The following IGSF21 variants were observed in gnomAD, a reference collection of about 807,000 sequenced individuals.
The protein encoded by IGSF21 is immunoglobin superfamily member 21.
In IGSF21, 28 loss-of-function variants were observed where a neutral mutation model predicts 46.8. The ratio of observed to expected loss-of-function variants is 0.60; its 90% CI spans 0.44 to 0.82. The LOEUF (loss-of-function observed/expected upper bound fraction) is 0.82, where lower values mean the gene tolerates loss of function less well. Ranked by LOEUF, IGSF21 falls within the 40% of genes least tolerant of loss-of-function variation. The pLI is 0.00. For synonymous variants in IGSF21, 284 were observed against 273.6 expected, an observed-to-expected ratio of 1.04 and a Z score of -0.38; for missense variants, 624 against 665.5, an observed-to-expected ratio of 0.94 and a Z score of 0.69.
At chr1:18,346,630 G>C (rs965704464) in intron 4 of IGSF21, among the ~76,000 whole-genome samples, 5 of 152,146 alleles carry the variant, frequency 3.3e-5, no homozygotes, top group African/African-American at 9.7e-5. Context: ...CTCTGAGAAG[G>C]TTCCAATGCA....
intron 2 of IGSF21, among the ~76,000 whole-genome samples, chr1:18,241,626 G>A (rs959417878): frequency 7.9e-5 from 12 of 152,278 alleles, no homozygotes; most frequent in African/African-American, 2.4e-4. Context: ...CTGGACCCTC[G>A]AATGCGCTGA....
intron 1 of IGSF21, among the ~76,000 whole-genome samples, chr1:18,198,598 C>A (rs543224569): frequency 6.6e-6 from 1 of 152,164 alleles, no homozygotes; most frequent in African/African-American, 2.4e-5. Flanking sequence ...GCCTGCCAGG[C>A]GCTTTCTTAA....
Position 18,158,190 on chromosome 1 carries a change from C to T in IGSF21, c.70+49992C>T, listed in dbSNP as rs563842097. On this transcript the variant is annotated intron_variant, in intron 1 of 9. Coordinates refer to ENST00000251296, the MANE Select transcript of IGSF21 (RefSeq NM_032880.5). ...ACACCTGCCCTGTCATTCCATCCCC[C>T]GCCTTAGGACCCCCTGCCATGGCAC... Among the ~76,000 whole-genome samples, 24 of 152,176 alleles carry T rather than the reference C, an allele frequency of 1.6e-4. No homozygotes were observed. The East Asian group carries it at 2.1e-3, about 14-fold the overall frequency.
At chr1:18,366,391 G>C (rs2086164789) in intron 6 of IGSF21, among the ~76,000 whole-genome samples, 1 of 152,124 alleles carries the variant, frequency 6.6e-6, no homozygotes, top group Non-Finnish European at 1.5e-5. Context: ...AGGAGCACAA[G>C]AGATCAGGGG....
chr1:18,324,234 C>A (rs766745960), intron 3 of IGSF21, among the ~76,000 whole-genome samples: 3 of 152,182 alleles, frequency 2.0e-5, no homozygotes, highest in Non-Finnish European at 4.4e-5. Flanking sequence ...CCCTGTTTGG[C>A]TGGGGGAGAA....
At chr1:18,135,389 C>T (rs2086359198) in intron 1 of IGSF21, among the ~76,000 whole-genome samples, 1 of 151,792 alleles carries the variant, frequency 6.6e-6, no homozygotes, top group African/African-American at 2.4e-5. Context: ...TTAGGTATAT[C>T]TCCTAATGCT....
chr1:18,366,295 TTTC>T (rs1557663373), intron 6 of IGSF21, among the ~76,000 whole-genome samples: 1 of 152,038 alleles, frequency 6.6e-6, no homozygotes, highest in Non-Finnish European at 1.5e-5. Flanking sequence ...AAGAGTCGGG[TTTC>T]TTCAGGAAGG....
intron 1 of IGSF21, among the ~76,000 whole-genome samples, chr1:18,182,964 C>T (rs1333831551): frequency 1.3e-5 from 2 of 152,220 alleles, no homozygotes; most frequent in Non-Finnish European, 2.9e-5. Context: ...CTCTCCTTAT[C>T]CAGCAGACGC....
intron 2 of IGSF21, among the ~76,000 whole-genome samples, chr1:18,253,282 C>T (rs779812685): frequency 6.6e-6 from 1 of 152,204 alleles, no homozygotes; most frequent in Non-Finnish European, 1.5e-5. Context: ...CCCAAACTTT[C>T]CTGAGTCATC....
At chr1:18,110,598 C>T (rs1570232602) in intron 1 of IGSF21, 1 of 152,430 alleles carries the variant, frequency 6.6e-6, no homozygotes, top group East Asian at 1.9e-4. Flanking sequence ...GGGTGCCCGA[C>T]GCTAGAGAGT....
intron 2 of IGSF21, among the ~76,000 whole-genome samples, chr1:18,252,057 T>G (rs974410075): frequency 3.4e-4 from 47 of 137,692 alleles, no homozygotes; most frequent in African/African-American, 1.1e-3. Flanking sequence ...TTTTTTTTTT[T>G]TTTTTTTTTT....
intron 3 of IGSF21, among the ~76,000 whole-genome samples, chr1:18,320,007 A>G (rs893217965): frequency 2.0e-5 from 3 of 152,220 alleles, no homozygotes; most frequent in African/African-American, 7.2e-5. Context: ...CATAGTAGGT[A>G]CTCAGTAACG....
chr1:18,124,108 G>T (rs947566190), intron 1 of IGSF21, among the ~76,000 whole-genome samples: 1 of 152,222 alleles, frequency 6.6e-6, no homozygotes, highest in Non-Finnish European at 1.5e-5. Flanking sequence ...AGGCCCTGCA[G>T]CTGCGACAGC....
intron 1 of IGSF21, among the ~76,000 whole-genome samples, chr1:18,158,079 C>A (rs1479483100): frequency 2.6e-5 from 4 of 152,158 alleles, no homozygotes; most frequent in Non-Finnish European, 4.4e-5. Flanking sequence ...TGGGATCTTT[C>A]CCTAAGGGCA....
Position 18,252,793 on chromosome 1 carries a change from A to G in IGSF21, c.183+24783A>G, listed in dbSNP as rs372360843. Among the ~76,000 whole-genome samples the G allele has an allele frequency of 7.9e-5, 12 of 152,278 alleles. No individual in the cohort carries two copies. The East Asian group carries it at 1.2e-3, about 15-fold the overall frequency. On this transcript the variant is annotated intron_variant, in intron 2 of 9. Coordinates refer to ENST00000251296, the MANE Select transcript of IGSF21 (RefSeq NM_032880.5). Reference sequence around the variant, plus strand: ...GTACAAAGATCATGGGTTCCAGCCCACCTCTGCCATTTCCTCACTGTTATA... The same window carrying G: ...GTACAAAGATCATGGGTTCCAGCCCGCCTCTGCCATTTCCTCACTGTTATA...
chr1:18,372,893 A>ATGGATGGATGGATGGATGG (rs2086243181), intron 6 of IGSF21, among the ~76,000 whole-genome samples: 1 of 139,716 alleles, frequency 7.2e-6, no homozygotes, highest in Non-Finnish European at 1.6e-5. Flanking sequence ...TGGATGGATG[A>ATGGATGGATGGATGGATGG]GTGGGTGAAT....
At chr1:18,249,674 C>G (rs761457833) in intron 2 of IGSF21, among the ~76,000 whole-genome samples, 1 of 152,194 alleles carries the variant, frequency 6.6e-6, no homozygotes, top group Non-Finnish European at 1.5e-5. Context: ...AGGAATGGCC[C>G]AGAGCCATGC....
At chr1:18,245,022 T>C (rs531511289) in intron 2 of IGSF21, among the ~76,000 whole-genome samples, 117 of 152,310 alleles carry the variant, frequency 7.7e-4, no homozygotes, top group African/African-American at 2.3e-3. Flanking sequence ...GCTATATAAA[T>C]ATTGGTAGGG....
chr1:18,185,010 A>AAGTAGTATTTGGCAC lies in IGSF21; in HGVS notation c.71-42886_71-42872dup, dbSNP rs1387363132. On this transcript the variant is annotated intron_variant, in intron 1 of 9. Transcript: ENST00000251296. Reference sequence around the variant, plus strand: ...TTGGAAGAATACAAGGGACAGCTTCAAGTAGTATTTGGCACAATAGTATTT... The same window carrying AAGTAGTATTTGGCAC: ...TTGGAAGAATACAAGGGACAGCTTCAAGTAGTATTTGGCACAGTAGTATTTGGCACAATAGTATTT... 1.1e-4 allele frequency among the ~76,000 whole-genome samples: 16 copies of AAGTAGTATTTGGCAC among 152,342 alleles called. No individual in the cohort carries two copies. In the East Asian group the frequency reaches 3.1e-3, roughly 29 times the overall value.
Sources: allele counts gnomAD v4.1 joint callset (sites outside exome capture counted in the v4.1 genomes callset), GRCh38; gene constraint gnomAD v4.1.1; transcripts MANE v1.5; gene names NCBI Gene and HGNC (gene_info 2026-07-23, HGNC 2026-07-21).